Variants in GAS2 observed in about 807,000 individuals in gnomAD.
GAS2 encodes the protein growth arrest-specific protein 2.
Under a neutral mutation model 37.5 loss-of-function variants are expected in GAS2, and 20 were observed. That is an observed-to-expected ratio of 0.53 (90% CI 0.37 to 0.77). The LOEUF is 0.77. Ranked by LOEUF, GAS2 falls within the 30% of genes least tolerant of loss-of-function variation. GAS2 has a pLI of 0.00. For synonymous variants in GAS2, 144 were observed against 132.2 expected, an observed-to-expected ratio of 1.09 and a Z score of -0.61; for missense variants, 336 against 373.4, an observed-to-expected ratio of 0.90 and a Z score of 0.82.
chr11:22,683,225 G>A (rs1334837675), intron 2 of GAS2, among the ~76,000 whole-genome samples: 2 of 152,072 alleles, frequency 1.3e-5, no homozygotes, highest in Non-Finnish European at 2.9e-5. Context: ...GATATTCTGA[G>A]TTTAACTTAA....
At chr11:22,648,061 A>G (rs1313135192) in intron 1 of GAS2, among the ~76,000 whole-genome samples, 2 of 152,176 alleles carry the variant, frequency 1.3e-5, no homozygotes, top group African/African-American at 4.8e-5. Context: ...TTTTAGGTCT[A>G]ACGTTTAAGT....
chr11:22,692,202 A>G (rs866879059), intron 3 of GAS2, among the ~76,000 whole-genome samples: 11 of 152,288 alleles, frequency 7.2e-5, no homozygotes, highest in Middle Eastern at 6.8e-3. Context: ...ATTGGGCAAG[A>G]TAGGGAGTGA....
At chr11:22,662,755 C>G (rs569336055), upstream of GAS2, among the ~76,000 whole-genome samples, 2 of 152,144 alleles carry the variant, frequency 1.3e-5, no homozygotes, top group African/African-American at 4.8e-5. Flanking sequence ...TGTGGTGGCT[C>G]ATGCCTCTAA....
chr11:22,729,140 T>A (rs1029613884), intron 4 of GAS2, among the ~76,000 whole-genome samples: 1 of 151,766 alleles, frequency 6.6e-6, no homozygotes, highest in Admixed American at 6.6e-5. Flanking sequence ...GATGCTCTGA[T>A]GAACGGGAAA....
chr11:22,640,983 T>G (rs936165332), intron 1 of GAS2, among the ~76,000 whole-genome samples: 11 of 151,872 alleles, frequency 7.2e-5, no homozygotes, highest in African/African-American at 2.7e-4. Context: ...TTTTTCCCTC[T>G]TAACTTCATC....
intron 1 of GAS2, among the ~76,000 whole-genome samples, chr11:22,648,404 C>A (rs193114568): frequency 7.9e-5 from 12 of 152,136 alleles, no homozygotes; most frequent in African/African-American, 2.9e-4. Context: ...CTTGGTGATG[C>A]GGGCTCTTTT....
chr11:22,670,174 G>A (rs1849144394), intron 1 of GAS2, among the ~76,000 whole-genome samples: 1 of 152,162 alleles, frequency 6.6e-6, no homozygotes, highest in African/African-American at 2.4e-5. Context: ...TTTGACACCT[G>A]TAACACATGA....
intron 3 of GAS2, among the ~76,000 whole-genome samples, chr11:22,719,071 A>G (rs1379922485): frequency 1.3e-5 from 2 of 152,134 alleles, no homozygotes; most frequent in South Asian, 2.1e-4. Flanking sequence ...AAAATTACAT[A>G]TATTTATGGT....
chr11:22,767,342 CT>C (rs1356605831), intron 7 of GAS2, among the ~76,000 whole-genome samples: 1 of 151,794 alleles, frequency 6.6e-6, no homozygotes, highest in Non-Finnish European at 1.5e-5. Context: ...GCAAAATTTC[CT>C]TTTGAAGTTT....
At chr11:22,714,674 C>A (rs1361961932) in intron 3 of GAS2, among the ~76,000 whole-genome samples, 1 of 152,080 alleles carries the variant, frequency 6.6e-6, no homozygotes, top group East Asian at 1.9e-4. Context: ...CTCTCTCAGC[C>A]CACAGTGGAA....
At chr11:22,714,377 C>A (rs117299567) in intron 3 of GAS2, among the ~76,000 whole-genome samples, 8,720 of 152,054 alleles carry the variant, frequency 0.057, 288 homozygotes, top group Middle Eastern at 0.13. Context: ...ATTTATAAAA[C>A]AATTACCGCT....
At chr11:22,631,189 G>A (rs1270215688) in intron 1 of GAS2, among the ~76,000 whole-genome samples, 1 of 152,118 alleles carries the variant, frequency 6.6e-6, no homozygotes, top group Non-Finnish European at 1.5e-5. Flanking sequence ...TGGAACTTGA[G>A]ACTTTACTAA....
chr11:22,667,443 C>A (rs7112952), intron 1 of GAS2, among the ~76,000 whole-genome samples: 1,655 of 152,218 alleles, frequency 0.011, 33 homozygotes, highest in African/African-American at 0.038. Flanking sequence ...GGGTGATACT[C>A]ACTGTGTCTG....
intron 7 of GAS2, among the ~76,000 whole-genome samples, chr11:22,777,147 G>A (rs1290758296): frequency 3.3e-5 from 5 of 152,146 alleles, no homozygotes; most frequent in African/African-American, 1.2e-4. Context: ...TTTGTAAGAC[G>A]AGTTGTTTTA....
chr11:22,659,389 C>T (rs1160975009), intron 1 of GAS2, among the ~76,000 whole-genome samples: 4 of 152,176 alleles, frequency 2.6e-5, no homozygotes, highest in Non-Finnish European at 5.9e-5. Flanking sequence ...CTATTCAGCC[C>T]GCTTAGGCTT....
chr11:22,635,658 T>C (rs997390661), intron 1 of GAS2, among the ~76,000 whole-genome samples: 2 of 152,202 alleles, frequency 1.3e-5, no homozygotes, highest in African/African-American at 4.8e-5. Flanking sequence ...CTCACCAAAG[T>C]GGTTCATCCC....
chr11:22,690,882 C>T (rs1335680568), intron 3 of GAS2, among the ~76,000 whole-genome samples: 1 of 152,176 alleles, frequency 6.6e-6, no homozygotes. Flanking sequence ...TTCCCCCACC[C>T]CCACCAATCA....
intron 7 of GAS2, among the ~76,000 whole-genome samples, chr11:22,785,607 T>G (rs779901531): frequency 3.3e-5 from 5 of 152,168 alleles, no homozygotes; most frequent in Non-Finnish European, 7.4e-5. Context: ...TTATGCAGAT[T>G]ACAAGTTTTG....
upstream of GAS2, among the ~76,000 whole-genome samples, chr11:22,666,325 A>G (rs887304671): frequency 2.6e-5 from 4 of 152,262 alleles, no homozygotes; most frequent in Admixed American, 2.6e-4. Flanking sequence ...GTTACTGGAA[A>G]GCTCGTGCCT....
Sources: allele counts gnomAD v4.1 joint callset (sites outside exome capture counted in the v4.1 genomes callset), GRCh38; gene constraint gnomAD v4.1.1; transcripts MANE v1.5; gene names NCBI Gene and HGNC (gene_info 2026-07-23, HGNC 2026-07-21).